Variants in ASTN1 observed in about 807,000 individuals in gnomAD.
ASTN1 encodes the protein astrotactin-1.
Under a neutral mutation model 140.7 loss-of-function variants are expected in ASTN1, and 41 were observed. The ratio of observed to expected loss-of-function variants is 0.29; its 90% CI spans 0.23 to 0.38. ASTN1 has a LOEUF of 0.38. Ranked by LOEUF, ASTN1 falls within the 10% of genes least tolerant of loss-of-function variation. ASTN1 has a pLI of 1.00. For missense variants in ASTN1, 1,479 were observed against 1,678.8 expected (o/e 0.88, Z 2.08); for synonymous variants, 640 against 652.2 (o/e 0.98, Z 0.29).
intron 1 of ASTN1, among the ~76,000 whole-genome samples, chr1:177,156,620 T>C (rs1291585897): frequency 6.6e-6 from 1 of 152,204 alleles, no homozygotes; most frequent in Non-Finnish European, 1.5e-5. Flanking sequence ...AATTCTCTTA[T>C]ATAGCATAAT....
intron 7 of ASTN1, among the ~76,000 whole-genome samples, chr1:177,020,511 T>C (rs1164505805): frequency 6.6e-6 from 1 of 152,192 alleles, no homozygotes; most frequent in Non-Finnish European, 1.5e-5. Context: ...CTTTTCTGCC[T>C]CCCTATTTCA....
intron 19 of ASTN1, 146 bp from the exon 20 acceptor site, chr1:176,883,140 C>T: frequency 8.4e-7 from 1 of 1,186,088 alleles, no homozygotes; most frequent in Non-Finnish European, 1.2e-6. Context: ...GAAGGAATGG[C>T]CTTTTCTATT....
chr1:176,869,115 T>C (rs918568578), intron 21 of ASTN1, 88 bp from the exon 22 acceptor site: 16 of 940,306 alleles, frequency 1.7e-5, no homozygotes, highest in African/African-American at 8.4e-5. Flanking sequence ...CTATATCATA[T>C]AGACATATCA....
chr1:176,904,119 T>C (rs1669883380), intron 16 of ASTN1, among the ~76,000 whole-genome samples: 1 of 152,206 alleles, frequency 6.6e-6, no homozygotes, highest in East Asian at 1.9e-4. Context: ...GGCATGAATT[T>C]GGAAGGACAC....
chr1:176,953,704 A>ATATC (rs1410203123), intron 11 of ASTN1, among the ~76,000 whole-genome samples: 1 of 152,192 alleles, frequency 6.6e-6, no homozygotes, highest in Non-Finnish European at 1.5e-5. Context: ...CATTGTAGAT[A>ATATC]GCATGTGGAG....
At chr1:177,160,670 G>GCTCCAAATATGTTTCAAAA (rs1484975267) in intron 1 of ASTN1, among the ~76,000 whole-genome samples, 10 of 152,318 alleles carry the variant, frequency 6.6e-5, no homozygotes, top group African/African-American at 1.9e-4. Flanking sequence ...AAGCAGGAAT[G>GCTCCAAATATGTTTCAAAA]TCTACTATTT....
chr1:177,102,203 T>C (rs1680333979), intron 1 of ASTN1, among the ~76,000 whole-genome samples: 1 of 152,154 alleles, frequency 6.6e-6, no homozygotes, highest in Non-Finnish European at 1.5e-5. Flanking sequence ...CAAGGTTAAA[T>C]AAGGGGAGGG....
intron 1 of ASTN1, among the ~76,000 whole-genome samples, chr1:177,119,486 C>T (rs905347477): frequency 6.9e-6 from 1 of 143,958 alleles, no homozygotes; most frequent in African/African-American, 2.9e-5. Flanking sequence ...AAGTGGGTTG[C>T]CATGGTAACA....
At chr1:176,859,754 AG>A (rs1667909417), downstream of ASTN1, among the ~76,000 whole-genome samples, 1 of 152,230 alleles carries the variant, frequency 6.6e-6, no homozygotes, top group Non-Finnish European at 1.5e-5. Context: ...ATTGCACTCC[AG>A]CTTTGACAAC....
chr1:177,093,771 A>G (rs560732550), intron 1 of ASTN1, among the ~76,000 whole-genome samples: 1 of 152,386 alleles, frequency 6.6e-6, no homozygotes. Context: ...AGAAAAGGTT[A>G]GATTTCAATC....
chr1:177,040,977 A>G (rs752344979), intron 2 of ASTN1, among the ~76,000 whole-genome samples: 1 of 152,162 alleles, frequency 6.6e-6, no homozygotes, highest in African/African-American at 2.4e-5. Flanking sequence ...TGACTCTGTC[A>G]TCCCAAAGAA....
chr1:177,123,438 A>G (rs1368064162), intron 1 of ASTN1, among the ~76,000 whole-genome samples: 1 of 152,212 alleles, frequency 6.6e-6, no homozygotes, highest in Non-Finnish European at 1.5e-5. Context: ...TCAAAAATAT[A>G]ATACCTTAGA....
At position 176,861,856 on chromosome 1, in the gene ASTN1, G is replaced by A. The variant is rs1401554840; in HGVS notation, c.*2428C>T. 1.6e-5 allele frequency: 16 copies of A among 985,202 alleles called. No individual in the cohort carries two copies. The highest frequency in any genetic ancestry group is 1.9e-5 in the Non-Finnish European group (16 of 829,880). 61.0% of individuals were successfully genotyped at this position (985,202 alleles called of 1,614,324 possible). On this transcript the variant is annotated 3_prime_UTR_variant, in exon 23 of 23. Transcript: ENST00000361833. ...AACTTGGGAGACTGAGGGAAAGATA[G>A]GAGAGAGGAAGATAGTGTGCCTAAA...
intron 1 of ASTN1, among the ~76,000 whole-genome samples, chr1:177,149,254 G>T (rs1488913531): frequency 2.2e-5 from 2 of 91,904 alleles, no homozygotes; most frequent in Non-Finnish European, 3.8e-5. Flanking sequence ...ACTATATATA[G>T]TAAATATATA....
chr1:176,888,839 C>CA (rs529232281), intron 17 of ASTN1, among the ~76,000 whole-genome samples: 52 of 152,294 alleles, frequency 3.4e-4, no homozygotes, highest in Non-Finnish European at 3.1e-4. Context: ...CAATCACTGC[C>CA]ATGTGACCTT....
At chr1:176,980,313 G>C (rs1264764355) in intron 8 of ASTN1, among the ~76,000 whole-genome samples, 5 of 152,154 alleles carry the variant, frequency 3.3e-5, no homozygotes, top group Non-Finnish European at 7.3e-5. Flanking sequence ...TAGATCTGAG[G>C]TTTGAGGCTG....
At position 176,887,678 on chromosome 1, in the gene ASTN1, G is replaced by C. The variant is rs370062072; in HGVS notation, c.3074+393C>G. On this transcript the variant is annotated intron_variant, in intron 18 of 22. Transcript: ENST00000361833. ...GTGTTCAATGAGTGGTTATGTTTTT[G>C]GTCTAGTTAAGCTCTCAGTGTAGAT... is the stretch of plus-strand genomic sequence containing the variant. Among the ~76,000 whole-genome samples the C allele has an allele frequency of 2.6e-5, 4 of 152,072 alleles. No homozygotes were observed. The East Asian group carries it at 7.7e-4, about 29-fold the overall frequency.
chr1:177,024,937 C>T (rs1225252447), intron 5 of ASTN1, among the ~76,000 whole-genome samples: 1 of 152,166 alleles, frequency 6.6e-6, no homozygotes, highest in African/African-American at 2.4e-5. Context: ...GGGGACTTGG[C>T]CAACTGGTGG....
At chr1:176,953,131 T>G (rs1672261852) in intron 11 of ASTN1, among the ~76,000 whole-genome samples, 1 of 152,226 alleles carries the variant, frequency 6.6e-6, no homozygotes, top group Admixed American at 6.5e-5. Context: ...TCAACTCCTT[T>G]TCTTTGTCAT....
Sources: allele counts gnomAD v4.1 joint callset (sites outside exome capture counted in the v4.1 genomes callset), GRCh38; gene constraint gnomAD v4.1.1; transcripts MANE v1.5; gene names NCBI Gene and HGNC (gene_info 2026-07-23, HGNC 2026-07-21).